The following CDYL2 variants were observed in gnomAD, a reference collection of about 807,000 sequenced individuals.
The protein encoded by CDYL2 is chromodomain Y like 2.
In CDYL2, 23 loss-of-function variants were observed where a neutral mutation model predicts 49.4. That is an observed-to-expected ratio of 0.47 (90% CI 0.34 to 0.66). The LOEUF (loss-of-function observed/expected upper bound fraction) is 0.66, where lower values mean the gene tolerates loss of function less well. CDYL2 is among the 30% of genes least tolerant of loss of function. CDYL2 has a pLI of 0.01. For synonymous variants in CDYL2, 360 were observed against 268.8 expected (o/e 1.34, Z -3.32); for missense variants, 678 against 656.4 (o/e 1.03, Z -0.36).
At chr16:80,655,832 A>G (rs1908785203) in intron 2 of CDYL2, among the ~76,000 whole-genome samples, 1 of 151,940 alleles carries the variant, frequency 6.6e-6, no homozygotes, top group Non-Finnish European at 1.5e-5. Flanking sequence ...AGCCCCTCAG[A>G]CTCTGCCCTC....
chr16:80,684,320 T>C (rs1910087267), intron 2 of CDYL2, among the ~76,000 whole-genome samples: 1 of 152,126 alleles, frequency 6.6e-6, no homozygotes, highest in Non-Finnish European at 1.5e-5. Context: ...GGCTGGAGCA[T>C]CAGAGGCTTA....
intron 2 of CDYL2, among the ~76,000 whole-genome samples, chr16:80,670,226 G>C (rs548052193): frequency 6.6e-6 from 1 of 152,122 alleles, no homozygotes; most frequent in Non-Finnish European, 1.5e-5. Flanking sequence ...ATCTCATCTT[G>C]AATTGTAGTT....
intron 1 of CDYL2, among the ~76,000 whole-genome samples, chr16:80,699,615 T>C (rs1219061300): frequency 6.6e-6 from 1 of 152,314 alleles, no homozygotes; most frequent in South Asian, 2.1e-4. Flanking sequence ...GTAAGGTGAA[T>C]ATAGTTAACA....
intron 1 of CDYL2, among the ~76,000 whole-genome samples, chr16:80,783,260 A>T (rs923729108): frequency 1.3e-5 from 2 of 152,222 alleles, no homozygotes; most frequent in African/African-American, 4.8e-5. Flanking sequence ...TAAGCATATC[A>T]AAAGGTGTTC....
At chr16:80,623,202 A>T (rs1263617293) in intron 3 of CDYL2, among the ~76,000 whole-genome samples, 1 of 152,114 alleles carries the variant, frequency 6.6e-6, no homozygotes, top group Non-Finnish European at 1.5e-5. Context: ...GCCCCGACGT[A>T]TGACAGGGGG....
At position 80,766,957 on chromosome 16, in the gene CDYL2, T is replaced by C. The variant is rs143780885; in HGVS notation, c.24+37193A>G. Among the ~76,000 whole-genome samples the C allele has an allele frequency of 4.4e-4, 67 of 152,320 alleles. No homozygotes were observed. The Middle Eastern group carries it at 0.01, about 23-fold the overall frequency. ...AACAGCCCTAAGAAACAGGTACTAT[T>C]ATTGCCCCCATTTTGCAGATGAATA... On this transcript the variant is annotated intron_variant, in intron 1 of 6. Transcript: ENST00000570137.
At chr16:80,740,393 A>G (rs1161583206) in intron 1 of CDYL2, among the ~76,000 whole-genome samples, 1 of 152,174 alleles carries the variant, frequency 6.6e-6, no homozygotes, top group East Asian at 1.9e-4. Flanking sequence ...AACCATTTAA[A>G]AGGCCTAATT....
intron 3 of CDYL2, among the ~76,000 whole-genome samples, chr16:80,625,505 T>A (rs1331862575): frequency 2.6e-5 from 4 of 152,210 alleles, no homozygotes; most frequent in African/African-American, 9.6e-5. Context: ...CCCCTAGCCA[T>A]GGAACCTAGC....
At chr16:80,728,137 C>T (rs540725022) in intron 1 of CDYL2, among the ~76,000 whole-genome samples, 39 of 152,064 alleles carry the variant, frequency 2.6e-4, no homozygotes, top group Admixed American at 1.2e-3. Context: ...AGGCTTCAGA[C>T]GATCAAACTA....
intron 1 of CDYL2, among the ~76,000 whole-genome samples, chr16:80,721,795 C>T (rs1400611316): frequency 6.6e-6 from 1 of 152,162 alleles, no homozygotes; most frequent in African/African-American, 2.4e-5. Context: ...TGCTCTGTCC[C>T]CTCCCCGGTG....
chr16:80,725,787 C>T (rs1473892229), intron 1 of CDYL2, among the ~76,000 whole-genome samples: 1 of 152,222 alleles, frequency 6.6e-6, no homozygotes, highest in Non-Finnish European at 1.5e-5. Context: ...AGCACGCTGC[C>T]CGCTATTCAA....
chr16:80,774,278 T>C (rs967147644), intron 1 of CDYL2, among the ~76,000 whole-genome samples: 1 of 152,054 alleles, frequency 6.6e-6, no homozygotes, highest in Admixed American at 6.5e-5. Flanking sequence ...TGGAGAACAT[T>C]ATGCTAATAA....
At chr16:80,698,737 C>T (rs1261105038) in intron 1 of CDYL2, among the ~76,000 whole-genome samples, 1 of 152,070 alleles carries the variant, frequency 6.6e-6, no homozygotes, top group Non-Finnish European at 1.5e-5. Flanking sequence ...TGTCTTCTTC[C>T]CCTTCACCTT....
intron 1 of CDYL2, among the ~76,000 whole-genome samples, chr16:80,702,489 G>A (rs993366000): frequency 4.6e-5 from 7 of 152,116 alleles, no homozygotes; most frequent in African/African-American, 7.2e-5. Context: ...GAGGGCTCAC[G>A]TCTATAATTC....
chr16:80,639,825 T>A, intron 2 of CDYL2: 1 of 427,826 alleles, frequency 2.3e-6, no homozygotes, highest in Non-Finnish European at 4.7e-6. Context: ...AGTGTAGCAA[T>A]TGTGAGGCAT....
intron 2 of CDYL2, among the ~76,000 whole-genome samples, chr16:80,659,166 G>C (rs1296666642): frequency 2.6e-5 from 4 of 152,160 alleles, no homozygotes; most frequent in African/African-American, 9.7e-5. Context: ...ATATCAGCTA[G>C]TTCAGTGCAT....
intron 1 of CDYL2, among the ~76,000 whole-genome samples, chr16:80,695,780 G>A (rs933505016): frequency 2.0e-5 from 3 of 152,112 alleles, no homozygotes; most frequent in African/African-American, 4.8e-5. Context: ...TCTAAAAGGA[G>A]GGAAAGACCT....
At chr16:80,655,547 T>C (rs1056180706) in intron 2 of CDYL2, among the ~76,000 whole-genome samples, 2 of 152,138 alleles carry the variant, frequency 1.3e-5, no homozygotes, top group African/African-American at 4.8e-5. Context: ...GGTCTTTCCA[T>C]TAGCGCAACA....
At chr16:80,659,069 A>C (rs1312527671) in intron 2 of CDYL2, among the ~76,000 whole-genome samples, 3 of 149,638 alleles carry the variant, frequency 2.0e-5, no homozygotes, top group Non-Finnish European at 4.4e-5. Context: ...GGATGGATGG[A>C]TGGATGGATG....
Sources: allele counts gnomAD v4.1 joint callset (sites outside exome capture counted in the v4.1 genomes callset), GRCh38; gene constraint gnomAD v4.1.1; transcripts MANE v1.5; gene names NCBI Gene and HGNC (gene_info 2026-07-23, HGNC 2026-07-21).